Variants in MRPS5 observed in about 807,000 individuals in gnomAD.
MRPS5 encodes mitochondrial ribosomal protein S5, also known as small ribosomal subunit protein uS5m.
A neutral mutation model predicts 51.9 loss-of-function variants in MRPS5; 27 were observed. That is an observed-to-expected ratio of 0.52 (90% CI 0.38 to 0.72). The LOEUF (loss-of-function observed/expected upper bound fraction) is 0.72. Among genes scored for constraint, MRPS5 ranks in the 30% least tolerant of loss-of-function variants. The pLI, the probability that MRPS5 is intolerant of heterozygous loss-of-function variation, is 0.00. For synonymous variants in MRPS5, 196 were observed against 193.2 expected (o/e 1.01, Z -0.12); for missense variants, 570 against 545.7 (o/e 1.04, Z -0.44).
intron 4 of MRPS5, among the ~76,000 whole-genome samples, chr2:95,109,646 C>T (rs1275422905): frequency 6.6e-6 from 1 of 152,176 alleles, no homozygotes; most frequent in Non-Finnish European, 1.5e-5. Flanking sequence ...TATTTTATCA[C>T]TAATTATAAC....
chr2:95,092,103 C>T (rs542356958), intron 10 of MRPS5: 1 of 152,268 alleles, frequency 6.6e-6, no homozygotes, highest in Non-Finnish European at 1.5e-5. Flanking sequence ...AGCACAGACA[C>T]TGCATGAACA....
At chr2:95,088,234 A>G (rs778935006) in intron 11 of MRPS5, among the ~76,000 whole-genome samples, 2 of 152,156 alleles carry the variant, frequency 1.3e-5, no homozygotes, top group African/African-American at 4.8e-5. Context: ...AGGTATGATA[A>G]TAGTATTACA....
At chr2:95,109,391 C>T (rs1386705113) in intron 4 of MRPS5, among the ~76,000 whole-genome samples, 1 of 152,158 alleles carries the variant, frequency 6.6e-6, no homozygotes, top group Non-Finnish European at 1.5e-5. Flanking sequence ...TGAGTATAAA[C>T]AATCACGTGT....
At position 95,098,925 on chromosome 2, in the gene MRPS5, T is replaced by A. The variant is rs1416235105; in HGVS notation, c.931+1549A>T. Among the ~76,000 whole-genome samples, 720 of 148,758 alleles carry A rather than the reference T, an allele frequency of 4.8e-3. 7 individuals are homozygous for A. Among genetic ancestry groups the A allele is most frequent in the African/African-American group, 0.017 (676 of 40,778 alleles). On this transcript the variant is annotated intron_variant, in intron 10 of 11. Transcript: ENST00000272418. Reference sequence around the variant, plus strand: ...ATAAAAATTATTATTATTATTATTTTTTTTTTTTTTTTGAGACTAGTCTTG... The same window carrying A: ...ATAAAAATTATTATTATTATTATTTATTTTTTTTTTTTGAGACTAGTCTTG...
At chr2:95,108,767 AC>A (rs1315858594) in intron 4 of MRPS5, among the ~76,000 whole-genome samples, 2 of 152,198 alleles carry the variant, frequency 1.3e-5, no homozygotes, top group African/African-American at 4.8e-5. Flanking sequence ...AATCAAAAGA[AC>A]AAGGTAACTC....
rs539431739 is a variant in MRPS5, at chr2:95,095,494, C to T, written c.932-4972G>A. ...AGCAAATGTAAGAGAACAGAAATCACAACTAACTGTCTGTCAGACCACAGT... is the reference window on the plus strand; with the variant it reads ...AGCAAATGTAAGAGAACAGAAATCATAACTAACTGTCTGTCAGACCACAGT... On this transcript the variant is annotated intron_variant, in intron 10 of 11. Coordinates refer to ENST00000272418, the MANE Select transcript of MRPS5 (RefSeq NM_031902.5). 3.9e-5 allele frequency among the ~76,000 whole-genome samples: 6 copies of T among 152,272 alleles called. No individual in the cohort carries two copies. In the East Asian group the frequency reaches 9.6e-4, roughly 24 times the overall value.
intron 2 of MRPS5, among the ~76,000 whole-genome samples, chr2:95,115,616 T>C (rs1270188406): frequency 6.6e-6 from 1 of 152,194 alleles, no homozygotes; most frequent in Non-Finnish European, 1.5e-5. Flanking sequence ...TACACTATCC[T>C]ACTCTTCATG....
intron 3 of MRPS5, among the ~76,000 whole-genome samples, chr2:95,112,071 GT>G (rs982089241): frequency 6.7e-6 from 1 of 150,084 alleles, no homozygotes; most frequent in Non-Finnish European, 1.5e-5. Context: ...TTCATGTTTT[GT>G]TTTTTTTTGG....
chr2:95,094,261 G>T (rs1207157413), intron 10 of MRPS5, among the ~76,000 whole-genome samples: 1 of 152,306 alleles, frequency 6.6e-6, no homozygotes, highest in South Asian at 2.1e-4. Context: ...CATTTGATTG[G>T]TGTACCTGGA....
chr2:95,088,124 T>TAA (rs970426654), intron 11 of MRPS5, among the ~76,000 whole-genome samples: 2 of 144,212 alleles, frequency 1.4e-5, no homozygotes, highest in South Asian at 4.4e-4. Context: ...ACACATTGTG[T>TAA]AAAAAAAAAA....
At position 95,087,210 on chromosome 2, in the gene MRPS5, A is replaced by G; in HGVS notation, c.*147T>C. On this transcript the variant is annotated 3_prime_UTR_variant, in exon 12 of 12. Transcript: ENST00000272418. ...CATATAACATGTGCTCAACAAATGA[A>G]AGCTATAATTATTTATTTCCAAAGA... 1 of 608,972 alleles carries G rather than the reference A, an allele frequency of 1.6e-6. No homozygotes were observed. The highest frequency in any genetic ancestry group is 2.8e-5 in the East Asian group (1 of 35,966). The allele number at this position is 608,972 out of a possible 1,614,324, so 37.7% of individuals were successfully genotyped here.
At position 95,085,411 on chromosome 2, in the gene MRPS5, A is replaced by G. The variant is rs1184321366; in HGVS notation, c.*1946T>C. Among the ~76,000 whole-genome samples, 3 of 152,348 alleles carry G rather than the reference A, an allele frequency of 2.0e-5. No individual in the cohort carries two copies. Among genetic ancestry groups the G allele is most frequent in the South Asian group, 4.1e-4 (2 of 4,832 alleles). On this transcript the variant is annotated 3_prime_UTR_variant, in exon 12 of 12. Transcript: ENST00000272418. ...AAAGGATCATTGTCTTTTATTGCTT[A>G]AAGTTCATTGTCTTTATATTTGTTA...
In MRPS5 at chr2:95,086,735, A is replaced by G. The variant is rs1675301133; in HGVS notation, c.*622T>C. ...ATAAGGAACTCAATAATAATAAAAA[A>G]TAACTTTTTAAATGGGCAAAGGCTC... On this transcript the variant is annotated 3_prime_UTR_variant, in exon 12 of 12. Coordinates refer to ENST00000272418, the MANE Select transcript of MRPS5 (RefSeq NM_031902.5). Among the ~76,000 whole-genome samples, 1 of 152,242 alleles carries G rather than the reference A, an allele frequency of 6.6e-6. No homozygotes were observed. The highest frequency in any genetic ancestry group is 6.5e-5 in the Admixed American group (1 of 15,284).
intron 10 of MRPS5, among the ~76,000 whole-genome samples, chr2:95,098,518 G>A (rs1372831674): frequency 6.6e-6 from 1 of 152,124 alleles, no homozygotes; most frequent in African/African-American, 2.4e-5. Flanking sequence ...CCATAAAAAA[G>A]GATGAGTTTC....
rs950400461 is a variant in MRPS5 at position 95,101,956 on chromosome 2, C to A, written c.764-233G>T. 6.4e-6 allele frequency: 3 copies of A among 468,788 alleles called. No homozygotes were observed. The Admixed American group carries it at 1.2e-4, about 19-fold the overall frequency. 29.0% of individuals were successfully genotyped at this position (468,788 alleles called of 1,614,324 possible). On this transcript the variant is annotated intron_variant, in intron 7 of 11. Transcript: ENST00000272418. The stretch of plus-strand genomic sequence containing the variant: ...ATCGCTTGAGCCCAGGAGTTTGAGA[C>A]CAGCCTGAACAACACAGCAAGACTC...
At position 95,090,532 on chromosome 2, in the gene MRPS5, G is replaced by C. The variant is rs758598809; in HGVS notation, c.932-10C>G. ...CAGCGGAGGCCGTAACCTAGAAAAG[G>C]AGAAACCGGGTGAAACACAGCCCAC... is the stretch of plus-strand genomic sequence containing the variant. On this transcript the variant is annotated splice_polypyrimidine_tract_variant and intron_variant, in intron 10 of 11. Transcript: ENST00000272418. 78 of 1,613,828 alleles carry C rather than the reference G, an allele frequency of 4.8e-5. No individual in the cohort carries two copies. Among genetic ancestry groups the C allele is most frequent in the Non-Finnish European group, 5.4e-5 (64 of 1,179,904 alleles).
At chr2:95,114,186 ATC>A (rs991127729) in intron 3 of MRPS5, among the ~76,000 whole-genome samples, 1 of 148,708 alleles carries the variant, frequency 6.7e-6, no homozygotes. Context: ...ACAGGTGATT[ATC>A]TCTTTTTTAT....
In MRPS5 at chr2:95,090,414, T is replaced by C; in HGVS notation, c.1040A>G (p.Gln347Arg). Residue 347 changes from glutamine to arginine, a missense_variant, in exon 11 of 12, where the codon CAG becomes CGG. Transcript: ENST00000272418. ...TCTGGAGAGCCCACGGAAGAGGCCC[T>C]GGGTGAGGCTGAGCATATTAATGGA... Reference protein sequence around the residue: ...SGSINMLSLTQGLFRGLSRQE... With the variant: ...SGSINMLSLTRGLFRGLSRQE... 1 of 1,613,914 alleles carries C rather than the reference T, an allele frequency of 6.2e-7. No individual in the cohort carries two copies. Among genetic ancestry groups the C allele is most frequent in the Non-Finnish European group, 8.5e-7 (1 of 1,179,994 alleles).
Position 95,117,912 on chromosome 2 carries a change from G to A in MRPS5, c.92C>T (p.Thr31Ile), listed in dbSNP as rs1676332420. 6.2e-7 allele frequency: 1 copy of A among 1,608,056 alleles called. No homozygotes were observed. Among genetic ancestry groups the A allele is most frequent in the Non-Finnish European group, 8.5e-7 (1 of 1,178,784 alleles). Residue 31 changes from threonine (T) to isoleucine (I), a missense_variant, in exon 2 of 12, where the codon ACC becomes ATC. By Grantham distance (89) the Thr-to-Ile change is moderately conservative. Transcript: ENST00000272418. ...HLLGRQCSLN[T>I]LPAASILAWK... ...TGCCAAAATGGAAGCTGCTGGTAAG[G>A]TGTTTAGGGAACACTGCCTCCCCAA...
Sources: gnomAD v4.1 joint callset for allele counts (sites outside exome capture counted in the v4.1 genomes callset) on GRCh38, gnomAD v4.1.1 for gene constraint, MANE v1.5 for transcripts, NCBI Gene and HGNC (gene_info 2026-07-23, HGNC 2026-07-21) for gene names.